The following SORCS1 variants were observed in gnomAD, a reference collection of about 807,000 sequenced individuals.
The protein encoded by SORCS1 is VPS10 domain-containing receptor SorCS1.
A neutral mutation model predicts 146.1 loss-of-function variants in SORCS1; 60 were observed. The observed-to-expected ratio is 0.41, with a 90% CI of 0.33 to 0.51. The LOEUF (loss-of-function observed/expected upper bound fraction) is 0.51, where lower values mean the gene tolerates loss of function less well. SORCS1 is among the 20% of genes least tolerant of loss of function. SORCS1 has a pLI of 0.21. For synonymous variants in SORCS1, 637 were observed against 584.0 expected (o/e 1.09, Z -1.31); for missense variants, 1,352 against 1,487.6 (o/e 0.91, Z 1.50).
intron 2 of SORCS1, among the ~76,000 whole-genome samples, chr10:106,851,324 G>T (rs1315176333): frequency 6.6e-6 from 1 of 152,094 alleles, no homozygotes; most frequent in Non-Finnish European, 1.5e-5. Flanking sequence ...TTATAGTTCT[G>T]CATTTTACAT....
chr10:106,855,187 T>A (rs541075771), intron 2 of SORCS1, among the ~76,000 whole-genome samples: 1 of 152,350 alleles, frequency 6.6e-6, no homozygotes, highest in African/African-American at 2.4e-5. Flanking sequence ...GCACTTTAAA[T>A]ATTTCATCCC....
At chr10:107,006,731 G>A (rs1324907893) in intron 1 of SORCS1, among the ~76,000 whole-genome samples, 1 of 152,154 alleles carries the variant, frequency 6.6e-6, no homozygotes, top group Non-Finnish European at 1.5e-5. Flanking sequence ...GCAGGAGAAC[G>A]GCGTGAACCT....
At position 106,617,197 on chromosome 10, in the gene SORCS1, C is replaced by T. The variant is rs149180390; in HGVS notation, c.2920+952G>A. On this transcript the variant is annotated intron_variant, in intron 21 of 25. Coordinates refer to ENST00000263054, the MANE Select transcript of SORCS1 (RefSeq NM_052918.5). ...CTCGAACTCCTGACCTCAGGTGACC[C>T]ACCCGCCTCGGCCTCCCAGTGCTGC... 5.5e-3 allele frequency among the ~76,000 whole-genome samples: 829 copies of T among 152,042 alleles called. 9 individuals are homozygous for T. The highest frequency in any genetic ancestry group is 0.018 in the African/African-American group (753 of 41,470).
intron 1 of SORCS1, among the ~76,000 whole-genome samples, chr10:106,997,167 C>T (rs1258949790): frequency 6.6e-6 from 1 of 152,072 alleles, no homozygotes; most frequent in African/African-American, 2.4e-5. Flanking sequence ...AATTTTAACT[C>T]CCCTGAAGGC....
chr10:107,152,085 G>A (rs1968852650), intron 1 of SORCS1, among the ~76,000 whole-genome samples: 1 of 152,182 alleles, frequency 6.6e-6, no homozygotes, highest in African/African-American at 2.4e-5. Context: ...TTCAGCTCCA[G>A]CTGTGGCTAA....
intron 24 of SORCS1, among the ~76,000 whole-genome samples, chr10:106,582,770 C>T (rs970613115): frequency 6.6e-6 from 1 of 152,110 alleles, no homozygotes; most frequent in Non-Finnish European, 1.5e-5. Context: ...TTTAAGCCTG[C>T]GTACTTGCAC....
intron 3 of SORCS1, among the ~76,000 whole-genome samples, chr10:106,793,763 T>C (rs144202379): frequency 1.2e-4 from 18 of 152,344 alleles, no homozygotes; most frequent in African/African-American, 4.1e-4. Flanking sequence ...GCCAAATGTA[T>C]AAGTACTGGC....
intron 1 of SORCS1, among the ~76,000 whole-genome samples, chr10:107,016,747 C>A (rs1284890493): frequency 1.3e-5 from 2 of 152,054 alleles, no homozygotes; most frequent in East Asian, 1.9e-4. Context: ...GGGAAGGTAT[C>A]CAGTAGGAGA....
At chr10:106,758,012 G>A (rs181852495) in intron 5 of SORCS1, among the ~76,000 whole-genome samples, 114 of 152,320 alleles carry the variant, frequency 7.5e-4, no homozygotes, top group Non-Finnish European at 2.6e-4. Flanking sequence ...CTACTAAGAC[G>A]TGAATGGGCA....
chr10:106,914,765 G>T (rs1049078657), intron 2 of SORCS1, among the ~76,000 whole-genome samples: 3 of 152,278 alleles, frequency 2.0e-5, no homozygotes, highest in African/African-American at 7.2e-5. Context: ...CGAATGACTA[G>T]CGTGGGACCT....
At chr10:106,967,444 T>C (rs1299435373) in intron 1 of SORCS1, among the ~76,000 whole-genome samples, 2 of 151,116 alleles carry the variant, frequency 1.3e-5, no homozygotes, top group Non-Finnish European at 3.0e-5. Context: ...CCCAAAAGAG[T>C]AGCAAGATGA....
At position 107,054,914 on chromosome 10, in the gene SORCS1, G is replaced by A. The variant is rs1170808672; in HGVS notation, c.559-98334C>T. Among the ~76,000 whole-genome samples, 5 of 152,262 alleles carry A rather than the reference G, an allele frequency of 3.3e-5. No individual in the cohort carries two copies. The South Asian group carries it at 6.2e-4, about 19-fold the overall frequency. On this transcript the variant is annotated intron_variant, in intron 1 of 25. Transcript: ENST00000263054. Reference sequence around the variant, plus strand: ...GATAAAGTGGTATCACATTTGTTGAGCCCTCATCAATACGACATGCCTAAT... The same window carrying A: ...GATAAAGTGGTATCACATTTGTTGAACCCTCATCAATACGACATGCCTAAT...
At chr10:106,773,639 A>G (rs1860195286) in intron 4 of SORCS1, among the ~76,000 whole-genome samples, 1 of 152,194 alleles carries the variant, frequency 6.6e-6, no homozygotes, top group Non-Finnish European at 1.5e-5. Context: ...TGTTCATCTC[A>G]AAATATCACC....
intron 1 of SORCS1, among the ~76,000 whole-genome samples, chr10:107,140,237 A>G (rs1967697944): frequency 6.6e-6 from 1 of 152,246 alleles, no homozygotes; most frequent in Non-Finnish European, 1.5e-5. Flanking sequence ...TGCAGAATCT[A>G]TGAAGTTGAG....
chr10:106,932,313 A>T (rs1953461923), intron 2 of SORCS1, among the ~76,000 whole-genome samples: 1 of 152,174 alleles, frequency 6.6e-6, no homozygotes, highest in African/African-American at 2.4e-5. Flanking sequence ...AGTAAAAATA[A>T]CTTCACATTT....
intron 2 of SORCS1, among the ~76,000 whole-genome samples, chr10:106,881,427 G>A (rs140101805): frequency 7.2e-5 from 11 of 152,284 alleles, no homozygotes; most frequent in African/African-American, 1.9e-4. Flanking sequence ...CTCCAAAGGT[G>A]ACAAATATAT....
At chr10:107,174,182 T>C in the SORCS1 span, among the ~76,000 whole-genome samples, 1 of 152,294 alleles carries the variant, frequency 6.6e-6, no homozygotes, top group Non-Finnish European at 1.5e-5. Context: ...AGTTTTCCAA[T>C]ATGGAAATCC....
intron 2 of SORCS1, among the ~76,000 whole-genome samples, chr10:106,885,966 T>C (rs1366600886): frequency 6.6e-6 from 1 of 152,134 alleles, no homozygotes; most frequent in Admixed American, 6.5e-5. Context: ...GTGAGTCCAT[T>C]AAACCTCTTT....
chr10:107,168,998 A>G (rs546817331), upstream of SORCS1, among the ~76,000 whole-genome samples: 1 of 152,212 alleles, frequency 6.6e-6, no homozygotes, highest in Admixed American at 6.5e-5. Context: ...TATACTCCCC[A>G]TTTCTATTTG....
Sources: gnomAD v4.1 joint callset for allele counts (sites outside exome capture counted in the v4.1 genomes callset) on GRCh38, gnomAD v4.1.1 for gene constraint, MANE v1.5 for transcripts, NCBI Gene and HGNC (gene_info 2026-07-23, HGNC 2026-07-21) for gene names.